Variants in ZC3HAV1 observed in about 807,000 individuals in gnomAD.
The protein encoded by ZC3HAV1 is zinc finger CCCH-type antiviral protein 1.
In ZC3HAV1, 41 loss-of-function variants were observed where a neutral mutation model predicts 86.6. That is an observed-to-expected ratio of 0.47 (90% confidence interval 0.37 to 0.61). ZC3HAV1 has a LOEUF of 0.61. Among genes scored for constraint, ZC3HAV1 ranks in the 20% least tolerant of loss-of-function variants. ZC3HAV1 has a pLI of 0.00. For synonymous variants in ZC3HAV1, 421 were observed against 432.1 expected, an observed-to-expected ratio of 0.97 and a Z score of 0.32; for missense variants, 964 against 1,141.1, an observed-to-expected ratio of 0.84 and a Z score of 2.24.
Position 139,065,019 on chromosome 7 carries a change from A to G in ZC3HAV1, c.1873-20T>C. 6.2e-7 allele frequency: 1 copy of G among 1,613,744 alleles called. No individual in the cohort carries two copies. The highest frequency in any genetic ancestry group is 8.5e-7 in the Non-Finnish European group (1 of 1,179,902). ...GTCTTTCTAATTGGAAAAAAAATAAAAGGTAAAGTCAGGGTAGGCTTTTAG... is the reference window on the plus strand; with the variant it reads ...GTCTTTCTAATTGGAAAAAAAATAAGAGGTAAAGTCAGGGTAGGCTTTTAG... On this transcript the variant is annotated intron_variant, in intron 7 of 12. Coordinates refer to ENST00000242351, the MANE Select transcript of ZC3HAV1 (RefSeq NM_020119.4).
rs1233023439 is a variant in ZC3HAV1, at chr7:139,108,297, A to C, written c.308+727T>G. 6.6e-6 allele frequency among the ~76,000 whole-genome samples: 1 copy of C among 151,848 alleles called. No homozygotes were observed. On this transcript the variant is annotated intron_variant, in intron 1 of 12. Transcript: ENST00000242351. The surrounding 1 kb of genome is among the most constrained non-coding windows in gnomAD (Gnocchi z 4.2). ...AAAAAAAAAAAAGGCAAACGGAAAC[A>C]ACAGAAGCAGTGGCCCGAGACGTGA...
At chr7:139,090,292 A>G (rs916865649) in intron 1 of ZC3HAV1, among the ~76,000 whole-genome samples, 3 of 152,168 alleles carry the variant, frequency 2.0e-5, no homozygotes, top group African/African-American at 7.2e-5. Context: ...CACCTTTTCA[A>G]AAAACTCCTT....
intron 1 of ZC3HAV1, among the ~76,000 whole-genome samples, chr7:139,092,558 G>T (rs1170244014): frequency 6.6e-6 from 1 of 152,210 alleles, no homozygotes; most frequent in African/African-American, 2.4e-5. Context: ...TTCCTGTCCT[G>T]TCCTAGCTGA....
chr7:139,066,542 T>C (rs1408947177), intron 7 of ZC3HAV1, among the ~76,000 whole-genome samples: 1 of 152,232 alleles, frequency 6.6e-6, no homozygotes, highest in Non-Finnish European at 1.5e-5. Flanking sequence ...CAGAACGTTC[T>C]AACTTACTGC....
chr7:139,105,136 C>T (rs1817897928), intron 1 of ZC3HAV1, among the ~76,000 whole-genome samples: 1 of 151,842 alleles, frequency 6.6e-6, no homozygotes, highest in African/African-American at 2.4e-5. Context: ...ATCATCTGAG[C>T]CTAGGAATTC....
intron 8 of ZC3HAV1, among the ~76,000 whole-genome samples, 181 bp from the exon 9 acceptor site, chr7:139,061,319 G>A (rs1816436678): frequency 6.6e-6 from 1 of 152,140 alleles, no homozygotes; most frequent in Admixed American, 6.6e-5. Flanking sequence ...ATCCTTCACT[G>A]CCATTAGTAG....
chr7:139,085,963 A>C (rs1313849235), intron 2 of ZC3HAV1, among the ~76,000 whole-genome samples: 1 of 151,958 alleles, frequency 6.6e-6, no homozygotes, highest in Non-Finnish European at 1.5e-5. Flanking sequence ...AGGACCTGAA[A>C]TTGCACCACT....
chr7:139,105,075 A>G (rs1352732752), intron 1 of ZC3HAV1, among the ~76,000 whole-genome samples: 1 of 150,826 alleles, frequency 6.6e-6, no homozygotes, highest in Non-Finnish European at 1.5e-5. Flanking sequence ...TTAGCCGGAC[A>G]TGGTGGCGCC....
At position 139,050,621 on chromosome 7, in the gene ZC3HAV1, C is replaced by T. The variant is rs573405764; in HGVS notation, c.2450-2768G>A. Among the ~76,000 whole-genome samples, 16 of 152,266 alleles carry T rather than the reference C, an allele frequency of 1.1e-4. No individual in the cohort carries two copies. In the East Asian group the frequency reaches 1.2e-3, roughly 11 times the overall value. On this transcript the variant is annotated intron_variant, in intron 12 of 12. Transcript: ENST00000242351. ...CTGACCTCAGGTGATTCACTCACCT[C>T]GGCCTCCCAAAGTGCTGGGATTACA...
At chr7:139,061,216 G>T in intron 8 of ZC3HAV1, 78 bp from the exon 9 acceptor site, 1 of 1,397,658 alleles carries the variant, frequency 7.2e-7, no homozygotes, top group Non-Finnish European at 9.9e-7. Context: ...TTTTGCAGAG[G>T]CTATTTACAC....
chr7:139,055,175 C>T (rs374782347), intron 10 of ZC3HAV1, 30 bp downstream of exon 10: 8 of 1,578,058 alleles, frequency 5.1e-6, no homozygotes, highest in Middle Eastern at 1.7e-4. Flanking sequence ...TTTTAACAGA[C>T]TCATCCACCA....
rs564981248 is a variant in ZC3HAV1 at position 139,097,151 on chromosome 7, A to G, written c.309-7392T>C. 5.3e-5 allele frequency among the ~76,000 whole-genome samples: 8 copies of G among 151,176 alleles called. No individual in the cohort carries two copies. The East Asian group carries it at 1.6e-3, about 29-fold the overall frequency. Reference sequence around the variant, plus strand: ...AGGCTCTGTCTAAAAAAATAATAATAATAAAAATAAAAAATAAAAAAAAGA... The same window carrying G: ...AGGCTCTGTCTAAAAAAATAATAATGATAAAAATAAAAAATAAAAAAAAGA... On this transcript the variant is annotated intron_variant, in intron 1 of 12. Transcript: ENST00000242351.
intron 1 of ZC3HAV1, among the ~76,000 whole-genome samples, chr7:139,099,252 G>A (rs930631868): frequency 3.9e-5 from 6 of 152,016 alleles, no homozygotes; most frequent in Admixed American, 1.3e-4. Flanking sequence ...TTTGTGTCAC[G>A]ATGTTGCAGA....
chr7:139,052,521 C>T (rs945244388), intron 12 of ZC3HAV1, among the ~76,000 whole-genome samples: 6 of 148,212 alleles, frequency 4.0e-5, no homozygotes, highest in Non-Finnish European at 8.9e-5. Flanking sequence ...AGGAGAATCA[C>T]TTGAACCAAG....
intron 3 of ZC3HAV1, among the ~76,000 whole-genome samples, chr7:139,083,277 A>G (rs1817180118): frequency 6.6e-6 from 1 of 152,114 alleles, no homozygotes; most frequent in Non-Finnish European, 1.5e-5. Context: ...AAGCATAAAA[A>G]TTGAATTGCA....
intron 2 of ZC3HAV1, among the ~76,000 whole-genome samples, chr7:139,087,635 A>G (rs1307068975): frequency 1.3e-5 from 2 of 152,144 alleles, no homozygotes; most frequent in African/African-American, 4.8e-5. Flanking sequence ...ATCACTTCTC[A>G]TGTTATAAGA....
In ZC3HAV1 at chr7:139,060,519, G is replaced by A. The variant is rs974989764; in HGVS notation, c.2096+517C>T. The A allele has an allele frequency of 1.7e-5, 17 of 994,436 alleles. No individual in the cohort carries two copies. In the Admixed American group the frequency reaches 2.2e-4, roughly 13 times the overall value. The allele number at this position is 994,436 out of a possible 1,614,324, so 61.6% of individuals were successfully genotyped here. A position where few individuals can be genotyped will look rare whatever the true frequency, so the allele number is the denominator to read the frequency against. Reference sequence around the variant, plus strand: ...CTCCGCCCCTCATCCTCTATAAATCGTGTAGGAAAACAAAAGACACCCAAA... The same window carrying A: ...CTCCGCCCCTCATCCTCTATAAATCATGTAGGAAAACAAAAGACACCCAAA... On this transcript the variant is annotated intron_variant, in intron 9 of 12. Coordinates refer to ENST00000242351, the MANE Select transcript of ZC3HAV1 (RefSeq NM_020119.4).
Position 139,046,097 on chromosome 7 carries a change from G to C in ZC3HAV1, c.*1497C>G, listed in dbSNP as rs1489753175. On this transcript the variant is annotated 3_prime_UTR_variant, in exon 13 of 13. Coordinates refer to ENST00000242351, the MANE Select transcript of ZC3HAV1 (RefSeq NM_020119.4). ...GTGACTGGTAAGGAATGTTGAAAAG[G>C]GAAAATCAGAAGGAAAAACCTGGTT... 6.6e-6 allele frequency: 1 copy of C among 151,612 alleles called. No homozygotes were observed. The highest frequency in any genetic ancestry group is 6.6e-5 in the Admixed American group (1 of 15,228). 9.4% of individuals were successfully genotyped at this position (151,612 alleles called of 1,614,324 possible).
In ZC3HAV1 at chr7:139,057,373, TA is replaced by T. The variant is rs551686659; in HGVS notation, c.2097-2079del. On this transcript the variant is annotated intron_variant, in intron 9 of 12. Coordinates refer to ENST00000242351, the MANE Select transcript of ZC3HAV1 (RefSeq NM_020119.4). ...CTCTTTCTCAAAGAAAAAAAAAATT[TA>T]GAGGTGATGGTAGTAACAATATTGT... Among the ~76,000 whole-genome samples, 1,188 of 152,036 alleles carry T rather than the reference TA, an allele frequency of 7.8e-3. 16 individuals are homozygous for T. The highest frequency in any genetic ancestry group is 0.028 in the African/African-American group (1,142 of 41,466).
Sources: gnomAD v4.1 joint callset for allele counts (sites outside exome capture counted in the v4.1 genomes callset) on GRCh38, gnomAD v4.1.1 for gene constraint, Gnocchi (gnomAD v3.1) non-coding constraint, MANE v1.5 for transcripts, NCBI Gene and HGNC (gene_info 2026-07-23, HGNC 2026-07-21) for gene names.